Variants in KDM4C observed in about 807,000 individuals in gnomAD.
KDM4C encodes lysine-specific demethylase 4C.
Under a neutral mutation model 129.3 loss-of-function variants are expected in KDM4C, and 81 were observed. The ratio of observed to expected loss-of-function variants is 0.63; its 90% CI spans 0.52 to 0.75. The LOEUF is 0.75. KDM4C is among the 30% of genes least tolerant of loss of function. The pLI, the probability that KDM4C is intolerant of heterozygous loss-of-function variation, is 0.00. For synonymous variants in KDM4C, 573 were observed against 456.1 expected, an observed-to-expected ratio of 1.26 and a Z score of -3.26; for missense variants, 1,457 against 1,304.0, an observed-to-expected ratio of 1.12 and a Z score of -1.81.
chr9:6,740,581 C>T (rs186045388), intron 1 of KDM4C, among the ~76,000 whole-genome samples: 5 of 151,974 alleles, frequency 3.3e-5, no homozygotes, highest in East Asian at 1.9e-4. Flanking sequence ...TGCAGTGGCA[C>T]GATCTTGGCT....
intron 18 of KDM4C, 103 bp downstream of exon 18, chr9:7,103,973 C>G (rs1350775144): frequency 2.0e-6 from 2 of 1,005,562 alleles, no homozygotes; most frequent in African/African-American, 3.2e-5. Flanking sequence ...TAATATGACT[C>G]ATTGTTGACA....
At chr9:7,104,095 G>A (rs562061670) in intron 18 of KDM4C, 3 of 504,672 alleles carry the variant, frequency 5.9e-6, no homozygotes, top group East Asian at 6.7e-5. Context: ...ATCTGTCTGA[G>A]TTGAATGAGT....
chr9:7,151,067 T>C (rs1380322446), intron 19 of KDM4C, among the ~76,000 whole-genome samples: 1 of 151,888 alleles, frequency 6.6e-6, no homozygotes, highest in Non-Finnish European at 1.5e-5. Flanking sequence ...TCCCAGCACT[T>C]TGGGAGGCTG....
At chr9:7,125,578 C>T (rs1839947827) in intron 18 of KDM4C, among the ~76,000 whole-genome samples, 1 of 152,228 alleles carries the variant, frequency 6.6e-6, no homozygotes, top group African/African-American at 2.4e-5. Context: ...AAGCATAACA[C>T]TCTGTACACT....
chr9:6,906,100 G>C (rs1818261620), intron 8 of KDM4C, among the ~76,000 whole-genome samples: 1 of 152,108 alleles, frequency 6.6e-6, no homozygotes, highest in Non-Finnish European at 1.5e-5. Context: ...AGGTTGGAAA[G>C]TATACAGACA....
rs1206086116 is a variant in KDM4C at position 6,893,187 on chromosome 9, T to G, written c.876T>G (p.Asn292Lys). The part of the protein sequence containing the change: ...NHGFNCAEST[N>K]FATVRWIDYG... ...GTTTCAACTGTGCAGAATCTACAAATTTTGCTACTGTCAGATGGATTGACT... is the reference window on the plus strand; with the variant it reads ...GTTTCAACTGTGCAGAATCTACAAAGTTTGCTACTGTCAGATGGATTGACT... Residue 292 changes from asparagine (N) to lysine (K), a missense_variant, in exon 8 of 22, where the codon AAT becomes AAG. Physicochemically the swap from Asn to Lys is moderately conservative, Grantham distance 94. Transcript: ENST00000381309. 2 of 1,611,344 alleles carry G rather than the reference T, an allele frequency of 1.2e-6. No homozygotes were observed. The highest frequency in any genetic ancestry group is 1.3e-5 in the African/African-American group (1 of 74,738).
intron 8 of KDM4C, among the ~76,000 whole-genome samples, chr9:6,940,168 G>T (rs1825693803): frequency 6.6e-6 from 1 of 151,786 alleles, no homozygotes; most frequent in African/African-American, 2.4e-5. Context: ...ATTGGCTATT[G>T]CAACCTCTAC....
At chr9:6,798,421 A>G (rs994966806) in intron 2 of KDM4C, among the ~76,000 whole-genome samples, 19 of 151,976 alleles carry the variant, frequency 1.3e-4, no homozygotes, top group Non-Finnish European at 2.4e-4. Context: ...GGTACTTGAG[A>G]TTATGGAGTG....
At chr9:6,725,161 T>G (rs1817081268) in intron 1 of KDM4C, among the ~76,000 whole-genome samples, 2 of 152,116 alleles carry the variant, frequency 1.3e-5, no homozygotes, top group African/African-American at 4.8e-5. Flanking sequence ...TGTGATCCCC[T>G]TATCCTTGAG....
At chr9:6,794,851 G>A (rs147190806) in intron 2 of KDM4C, among the ~76,000 whole-genome samples, 5 of 152,200 alleles carry the variant, frequency 3.3e-5, no homozygotes, top group African/African-American at 1.2e-4. Flanking sequence ...GGATGCATAG[G>A]TCCAAAGTAA....
At position 6,966,637 on chromosome 9, in the gene KDM4C, C is replaced by T. The variant is rs535718890; in HGVS notation, c.922-14288C>T. On this transcript the variant is annotated intron_variant, in intron 8 of 21. Transcript: ENST00000381309. ...TCTAGTTCTTGGTTTACGTCTAGAT[C>T]TTCCTTAATAGAAGAGTTAATCCAC... Among the ~76,000 whole-genome samples, 9 of 152,046 alleles carry T rather than the reference C, an allele frequency of 5.9e-5. No individual in the cohort carries two copies. The East Asian group carries it at 1.2e-3, about 20-fold the overall frequency.
At chr9:6,940,759 A>C (rs1825797117) in intron 8 of KDM4C, among the ~76,000 whole-genome samples, 1 of 152,196 alleles carries the variant, frequency 6.6e-6, no homozygotes, top group African/African-American at 2.4e-5. Flanking sequence ...ACATGTAACT[A>C]CCATATTCCT....
intron 5 of KDM4C, 115 bp downstream of exon 5, chr9:6,849,815 A>C: frequency 1.2e-6 from 1 of 854,202 alleles, no homozygotes; most frequent in Middle Eastern, 3.1e-4. Context: ...TGTGAGCTGT[A>C]AGGAAGTTTT....
intron 1 of KDM4C, among the ~76,000 whole-genome samples, chr9:6,736,433 A>C (rs1817530594): frequency 6.6e-6 from 1 of 152,132 alleles, no homozygotes; most frequent in Non-Finnish European, 1.5e-5. Flanking sequence ...GGCTGGGCCC[A>C]GAGTTCCTGT....
chr9:6,838,529 A>C (rs1383841184), intron 4 of KDM4C, among the ~76,000 whole-genome samples: 2 of 151,914 alleles, frequency 1.3e-5, no homozygotes, highest in African/African-American at 2.4e-5. Context: ...CTTTTATTTG[A>C]CTGGACGTTT....
intron 19 of KDM4C, among the ~76,000 whole-genome samples, chr9:7,144,940 G>C (rs1295014501): frequency 2.6e-5 from 4 of 152,370 alleles, no homozygotes; most frequent in East Asian, 3.9e-4. Context: ...CAGAAGCTTT[G>C]TGAAAGCTTT....
Position 6,984,480 on chromosome 9 carries a change from C to G in KDM4C, c.1354+76C>G, listed in dbSNP as rs970095351. The G allele has an allele frequency of 3.1e-5, 28 of 917,710 alleles. No individual in the cohort carries two copies. The South Asian group carries it at 3.7e-4, about 12-fold the overall frequency. The allele number at this position is 917,710 out of a possible 1,614,324, so 56.8% of individuals were successfully genotyped here. A position where few individuals can be genotyped will look rare whatever the true frequency, so the allele number is the denominator to read the frequency against. On this transcript the variant is annotated intron_variant, in intron 10 of 21. Transcript: ENST00000381309. ...ATCAGATGTCTTAAATGGATGTTCA[C>G]TATGACAAGTATCTGACTAGTCCAC...
rs141891972 is a variant in KDM4C at position 6,796,588 on chromosome 9, C to T, written c.144+3456C>T. On this transcript the variant is annotated intron_variant, in intron 2 of 21. Transcript: ENST00000381309. ...ACAAGGGAGCTGCATGCACACAGAG[C>T]ACACCTGCGTCGCTGTCTGCATTAT... 5.3e-5 allele frequency among the ~76,000 whole-genome samples: 8 copies of T among 152,328 alleles called. 1 individual carries two copies. In the East Asian group the frequency reaches 1.3e-3, roughly 26 times the overall value.
chr9:6,730,193 G>A (rs927491736), intron 1 of KDM4C, among the ~76,000 whole-genome samples: 2 of 152,116 alleles, frequency 1.3e-5, no homozygotes, highest in Admixed American at 6.6e-5. Flanking sequence ...TTGCTTCTGC[G>A]AAGAAAAAGC....
Sources: allele counts gnomAD v4.1 joint callset (sites outside exome capture counted in the v4.1 genomes callset), GRCh38; gene constraint gnomAD v4.1.1; transcripts MANE v1.5; gene names NCBI Gene and HGNC (gene_info 2026-07-23, HGNC 2026-07-21).